MCM3AP: variants seen among roughly 807,000 people sequenced by gnomAD.
The protein encoded by MCM3AP is minichromosome maintenance complex component 3 associated protein, also known as germinal-center associated nuclear protein.
MCM3AP carries 126 observed loss-of-function variants against 184.1 expected under a neutral mutation model. The observed-to-expected ratio is 0.68, with a 90% CI of 0.59 to 0.79. The LOEUF is 0.79. Ranked by LOEUF, MCM3AP falls within the 30% of genes least tolerant of loss-of-function variation. The pLI is 0.00. For synonymous variants in MCM3AP, 1,002 were observed against 979.3 expected (o/e 1.02, Z -0.43); for missense variants, 2,496 against 2,479.2 (o/e 1.01, Z -0.14).
Position 46,256,940 on chromosome 21 carries a change from G to A in MCM3AP, c.3781C>T (p.Arg1261Trp), listed in dbSNP as rs753685498. Reference sequence around the variant, plus strand: ...CAGCAGGGCGCAGCAGGGAAAGCCCGCATTTGGCGCCTCAGTTTCTTGCGG... The same window carrying A: ...CAGCAGGGCGCAGCAGGGAAAGCCCACATTTGGCGCCTCAGTTTCTTGCGG... ...TARKKLRRQM[R>W]AFPAAPCCVD... Residue 1261 changes from arginine (R) to tryptophan (W), a missense_variant, in exon 17 of 28, where the codon CGG becomes TGG. Arg to Trp is a moderately radical substitution (Grantham distance 101, BLOSUM62 -3). Around this residue, in one of 5 missense-constraint regions of MCM3AP, gnomAD observed 1,323 missense variants for 1,273.4 expected, o/e 1.04. Coordinates refer to ENST00000291688, the MANE Select transcript of MCM3AP (RefSeq NM_003906.5). 5.6e-6 allele frequency: 9 copies of A among 1,612,132 alleles called. No individual in the cohort carries two copies. Among genetic ancestry groups the A allele is most frequent in the African/African-American group, 4.0e-5 (3 of 74,914 alleles).
intron 4 of MCM3AP, among the ~76,000 whole-genome samples, chr21:46,278,337 G>A (rs1458055374): frequency 2.0e-5 from 3 of 152,138 alleles, no homozygotes; most frequent in Non-Finnish European, 4.4e-5. Flanking sequence ...AAAGGAATCA[G>A]GCATTCTCTC....
chr21:46,277,887 G>A (rs2081276336), intron 4 of MCM3AP, among the ~76,000 whole-genome samples, 170 bp from the exon 5 acceptor site: 2 of 152,072 alleles, frequency 1.3e-5, no homozygotes, highest in Non-Finnish European at 1.5e-5. Flanking sequence ...GAGCACAAAA[G>A]CGTTATTCAC....
At position 46,283,786 on chromosome 21, in the gene MCM3AP, GT is replaced by G; in HGVS notation, c.1271del (p.Asp424AlafsTer84). 6.2e-7 allele frequency: 1 copy of G among 1,614,154 alleles called. No individual in the cohort carries two copies. The highest frequency in any genetic ancestry group is 8.5e-7 in the Non-Finnish European group (1 of 1,180,036). Reference sequence around the variant, plus strand: ...CAGAGGGAGACAAGCCCCCAAGACTGTCTGTGCTCTCGCTTCTGTTACTCTG... The same window carrying G: ...CAGAGGGAGACAAGCCCCCAAGACTGCTGTGCTCTCGCTTCTGTTACTCTG... ...ARQSNRSEST[D>X]SLGGLSPSEV... On this transcript the variant is annotated frameshift_variant, in exon 2 of 28. Transcript: ENST00000291688. LOFTEE classifies it high-confidence loss of function.
intron 3 of MCM3AP, 124 bp downstream of exon 3, chr21:46,280,373 G>A (rs1452080749): frequency 1.6e-5 from 13 of 831,444 alleles, no homozygotes; most frequent in Admixed American, 5.2e-5. Context: ...TGAAAAGAGG[G>A]CCATGCACAA....
chr21:46,245,160 G>A lies in MCM3AP; in HGVS notation c.4685C>T (p.Pro1562Leu), dbSNP rs138108167. 6 of 1,613,902 alleles carry A rather than the reference G, an allele frequency of 3.7e-6. No individual in the cohort carries two copies. Among genetic ancestry groups the A allele is most frequent in the Non-Finnish European group, 5.1e-6 (6 of 1,179,864 alleles). ...CTGGCAGCAGAGGTCAAGGGAATGG[G>A]GGCAGTGGGAAACCAGCCACTGCAC... ...QAVQWLVSHC[P>L]HSLDLCCQTL... The change falls in exon 23 of 28, where the codon CCC (proline) becomes CTC (leucine). Residue 1562 changes from proline to leucine, a missense_variant. Physicochemically the swap from Pro to Leu is moderately conservative, Grantham distance 98. Transcript: ENST00000291688.
In MCM3AP at chr21:46,284,085, C is replaced by T. The variant is rs1407800117; in HGVS notation, c.1202G>A (p.Ser401Asn). ...PGVNKEEETE[S>N]REKKEDSLRG... The stretch of plus-strand genomic sequence containing the variant: ...GAGCTCACCTTCTTTCTTCTCTCTA[C>T]TTTCAGTTTCTTCCTCTTTATTCAC... The change falls in exon 1 of 28, where the codon AGT (serine) becomes AAT (asparagine). Residue 401 changes from serine (S) to asparagine (N), a missense_variant. Physicochemically the swap from Ser to Asn is conservative, Grantham distance 46 (BLOSUM62 1). Coordinates refer to ENST00000291688, the MANE Select transcript of MCM3AP (RefSeq NM_003906.5). 2 of 1,612,498 alleles carry T rather than the reference C, an allele frequency of 1.2e-6. No homozygotes were observed. Among genetic ancestry groups the T allele is most frequent in the Non-Finnish European group, 1.7e-6 (2 of 1,179,194 alleles).
chr21:46,266,297 G>A (rs2081111462), intron 10 of MCM3AP, 131 bp from the exon 11 acceptor site: 2 of 1,043,346 alleles, frequency 1.9e-6, no homozygotes, highest in African/African-American at 1.6e-5. Flanking sequence ...GAAAGCACAG[G>A]CGCCAGGTCC....
Position 46,235,424 on chromosome 21 carries a change from A to G in MCM3AP, c.5787T>C (p.Ser1929=). 1 of 1,613,590 alleles carries G rather than the reference A, an allele frequency of 6.2e-7. No homozygotes were observed. The highest frequency in any genetic ancestry group is 8.5e-7 in the Non-Finnish European group (1 of 1,179,828). Residue 1929 remains serine, a splice_region_variant and synonymous_variant, in exon 28 of 28, where the codon AGT becomes AGC. Transcript: ENST00000291688. The part of the protein sequence containing the change: ...MKTSVTTSPQ[S]DMMREQLQLS... ...GCTGCAGTTGCTCCCTCATCATGTC[A>G]CTCTATTTGAATAAAAAAGAAACTG...
At chr21:46,272,866 C>A in intron 7 of MCM3AP, 37 bp from the exon 8 acceptor site, 2 of 1,524,510 alleles carry the variant, frequency 1.3e-6, no homozygotes, top group African/African-American at 2.8e-5. Flanking sequence ...CACACACATT[C>A]CCATGCAAAG....
chr21:46,256,751 G>A, intron 17 of MCM3AP, 38 bp downstream of exon 17: 1 of 1,533,298 alleles, frequency 6.5e-7, no homozygotes. Flanking sequence ...AGTGGGGGCA[G>A]GGGAGCCCTG....
chr21:46,265,511 C>T lies in MCM3AP; in HGVS notation c.3044G>A (p.Gly1015Glu), dbSNP rs1229769350. The stretch of plus-strand genomic sequence containing the variant: ...ATCCGGCTCTACACCACACTCCTCT[C>T]CTCTCCCTCCGCCTGGAAGGAAACA... ...PGSDTVGGGR[G>E]EECGVEPDAP... The change falls in exon 12 of 28, where the codon GGA becomes GAA. Residue 1015 changes from glycine to glutamate, a missense_variant. Transcript: ENST00000291688. 5 of 1,596,820 alleles carry T rather than the reference C, an allele frequency of 3.1e-6. No individual in the cohort carries two copies. The highest frequency in any genetic ancestry group is 4.3e-6 in the Non-Finnish European group (5 of 1,171,568).
chr21:46,244,969 C>A lies in MCM3AP; in HGVS notation c.4876G>T (p.Glu1626Ter). 1 of 1,614,208 alleles carries A rather than the reference C, an allele frequency of 6.2e-7. No homozygotes were observed. The highest frequency in any genetic ancestry group is 8.5e-7 in the Non-Finnish European group (1 of 1,180,040). ...LQFLASVVSS[E>*]QLCDLSWPVT... The stretch of plus-strand genomic sequence containing the variant: ...GGCCAGGACAGGTCACACAGCTGTT[C>A]AGAGGACACCACAGAAGCCAGGAAC... Residue 1626 changes from glutamate (E) to a stop codon, truncating the protein, a stop_gained, in exon 23 of 28, where the codon GAA (glutamate) becomes TAA (stop). Coordinates refer to ENST00000291688, the MANE Select transcript of MCM3AP (RefSeq NM_003906.5). LOFTEE classifies it high-confidence loss of function.
At chr21:46,271,003 C>G (rs2081171843) in intron 8 of MCM3AP, among the ~76,000 whole-genome samples, 1 of 152,170 alleles carries the variant, frequency 6.6e-6, no homozygotes, top group South Asian at 2.1e-4. Context: ...TAAAGTAATG[C>G]CAATGGACTG....
At chr21:46,277,793 C>A (rs2081275067) in intron 4 of MCM3AP, 76 bp from the exon 5 acceptor site, 1 of 840,886 alleles carries the variant, frequency 1.2e-6, no homozygotes, top group Middle Eastern at 2.7e-4. Context: ...GAACACGTCC[C>A]CTCATCTTTC....
upstream of MCM3AP, chr21:46,285,624 A>AG (rs35216688): frequency 4.9e-6 from 1 of 205,670 alleles, no homozygotes; most frequent in Non-Finnish European, 9.7e-6. Flanking sequence ...AAAAAAAAAA[A>AG]GCCGAATCTT....
chr21:46,268,483 T>G (rs2081140514), intron 9 of MCM3AP, among the ~76,000 whole-genome samples: 2 of 152,034 alleles, frequency 1.3e-5, no homozygotes, highest in South Asian at 4.2e-4. Context: ...ACACACAGAA[T>G]GGTGATTTAG....
At position 46,243,451 on chromosome 21, in the gene MCM3AP, C is replaced by G; in HGVS notation, c.5296+14G>C. The G allele has an allele frequency of 6.3e-7, 1 of 1,590,050 alleles. No individual in the cohort carries two copies. Among genetic ancestry groups the G allele is most frequent in the Non-Finnish European group, 8.6e-7 (1 of 1,166,970 alleles). The stretch of plus-strand genomic sequence containing the variant: ...TCGTGAGGAGCTGATCCCATTGCAT[C>G]AAGCTCTAATTACCTGATGTAACAG... On this transcript the variant is annotated intron_variant, in intron 24 of 27. Transcript: ENST00000291688.
chr21:46,264,596 C>T (rs1054986119), intron 12 of MCM3AP, among the ~76,000 whole-genome samples: 1 of 152,190 alleles, frequency 6.6e-6, no homozygotes, highest in African/African-American at 2.4e-5. Context: ...TCGACAGGCT[C>T]TACTCAATAT....
rs1392928468 is a variant in MCM3AP at position 46,273,547 on chromosome 21, G to A, written c.2037C>T (p.Ser679=). 1 of 1,613,690 alleles carries A rather than the reference G, an allele frequency of 6.2e-7. No homozygotes were observed. Among genetic ancestry groups the A allele is most frequent in the Non-Finnish European group, 8.5e-7 (1 of 1,179,850 alleles). ...HAAAVKEYSR[S]SADQEEPLPH... is the part of the protein sequence containing the mutation. ...GCAGGGGCTCCTCCTGATCCGCCGA[G>A]GACCGACTGTACTCTTTCACAGCTG... Residue 679 remains serine, a synonymous_variant, in exon 7 of 28, where the codon TCC becomes TCT. Transcript: ENST00000291688.
Sources: allele counts gnomAD v4.1 joint callset (sites outside exome capture counted in the v4.1 genomes callset), GRCh38; gene constraint gnomAD v4.1.1; regional missense constraint gnomAD v4.1.1; transcripts MANE v1.5; gene names NCBI Gene and HGNC (gene_info 2026-07-23, HGNC 2026-07-21).